The following MID1 variants were observed in gnomAD, a reference collection of about 807,000 sequenced individuals.
MID1 encodes the protein E3 ubiquitin-protein ligase Midline-1.
MID1 carries 7 observed loss-of-function variants against 40.4 expected under a neutral mutation model. That is an observed-to-expected ratio of 0.17 (90% CI 0.10 to 0.33). The LOEUF is 0.33. Ranked by LOEUF, MID1 falls within the 10% of genes least tolerant of loss-of-function variation. MID1 has a pLI of 1.00. For missense variants in MID1, 367 were observed against 558.5 expected (o/e 0.66, Z 3.46); for synonymous variants, 229 against 221.2 (o/e 1.04, Z -0.31).
chrX:10,505,730 T>C (rs1931796585), intron 3 of MID1: 8 of 752,472 alleles, frequency 1.1e-5, no homozygotes, highest in Non-Finnish European at 1.3e-5. Flanking sequence ...GGGAAGTTAT[T>C]TCTAATGGAA....
At chrX:10,660,924 T>C (rs2042907287) in intron 1 of MID1, among the ~76,000 whole-genome samples, 1 of 112,063 alleles carries the variant, frequency 8.9e-6, no homozygotes, top group Admixed American at 9.5e-5. Flanking sequence ...TTTTTAAAAA[T>C]AGTACTATAT....
chrX:10,627,338 G>T (rs762268893), intron 1 of MID1, among the ~76,000 whole-genome samples: 3 of 111,424 alleles, frequency 2.7e-5, no homozygotes, highest in Admixed American at 9.6e-5. Flanking sequence ...GGCATTTCCT[G>T]TTTCCACCAT....
chrX:10,827,307 T>C (rs1261136711), intron 1 of MID1, among the ~76,000 whole-genome samples: 1 of 111,350 alleles, frequency 9.0e-6, no homozygotes, highest in African/African-American at 3.3e-5. Context: ...CTCTTGATCA[T>C]AGTAGTTCTT....
intron 1 of MID1, among the ~76,000 whole-genome samples, chrX:10,638,447 G>A (rs780652115): frequency 1.8e-5 from 2 of 111,889 alleles, no homozygotes; most frequent in Admixed American, 9.4e-5. Context: ...AGGTGGCAGC[G>A]AGGTGGAGGG....
intron 1 of MID1, among the ~76,000 whole-genome samples, chrX:10,592,409 C>T (rs1029605694): frequency 6.5e-5 from 7 of 108,338 alleles, no homozygotes; most frequent in Non-Finnish European, 1.1e-4. Flanking sequence ...GTTTTTACCA[C>T]GGTGCATTTC....
chrX:10,747,411 T>A (rs2043565821), intron 1 of MID1, among the ~76,000 whole-genome samples: 1 of 112,519 alleles, frequency 8.9e-6, no homozygotes, highest in Non-Finnish European at 1.9e-5. Context: ...TACAGCCTCA[T>A]GTGCTCATTT....
At chrX:10,789,216 T>C (rs947207844) in intron 1 of MID1, among the ~76,000 whole-genome samples, 1 of 106,787 alleles carries the variant, frequency 9.4e-6, no homozygotes, top group African/African-American at 3.3e-5. Context: ...ATAAATAAAG[T>C]CTATGCTGGC....
chrX:10,632,954 G>C (rs905377625), intron 1 of MID1, among the ~76,000 whole-genome samples: 1 of 111,903 alleles, frequency 8.9e-6, no homozygotes, highest in Non-Finnish European at 1.9e-5. Context: ...GGGACCTCAT[G>C]TAACTGCACA....
At chrX:10,626,487 ACAC>A (rs1221860551) in intron 1 of MID1, among the ~76,000 whole-genome samples, 21 of 110,552 alleles carry the variant, frequency 1.9e-4, no homozygotes, top group Non-Finnish European at 1.7e-4. Flanking sequence ...CTACAAGCTC[ACAC>A]CACCATGTCT....
intron 1 of MID1, among the ~76,000 whole-genome samples, chrX:10,745,968 G>A (rs1003260999): frequency 3.2e-4 from 36 of 112,265 alleles, no homozygotes; most frequent in African/African-American, 1.1e-3. Context: ...TCTGTTCACC[G>A]AAACAGACCC....
intron 1 of MID1, among the ~76,000 whole-genome samples, chrX:10,805,469 A>C (rs1360853634): frequency 9.3e-6 from 1 of 107,300 alleles, no homozygotes; most frequent in Non-Finnish European, 1.9e-5. Context: ...CCAGTCTATC[A>C]TTGTTGGACA....
chrX:10,616,058 C>T (rs1935832931), intron 1 of MID1, among the ~76,000 whole-genome samples: 1 of 112,112 alleles, frequency 8.9e-6, no homozygotes, highest in South Asian at 3.7e-4. Context: ...CTCTCTGACT[C>T]TGCCTCGGGC....
intron 1 of MID1, among the ~76,000 whole-genome samples, chrX:10,613,413 G>A (rs1935768881): frequency 9.1e-6 from 1 of 109,349 alleles, no homozygotes; most frequent in Non-Finnish European, 1.9e-5. Context: ...TCTACATGGA[G>A]AAGGCTTCAG....
At position 10,448,284 on chromosome X, in the gene MID1, T is replaced by C. The variant is rs867641157; in HGVS notation, c.*1084A>G. On this transcript the variant is annotated 3_prime_UTR_variant, in exon 10 of 10. Coordinates refer to ENST00000317552, the MANE Select transcript of MID1 (RefSeq NM_000381.4). ...CCTTGTCATTACCAACTCATAAATA[T>C]TAAGTGTTTTTCAGTGACTTATGTT... 9.0e-6 allele frequency: 1 copy of C among 111,298 alleles called. No individual in the cohort carries two copies. Among genetic ancestry groups the C allele is most frequent in the Non-Finnish European group, 1.9e-5 (1 of 53,106 alleles). 9.2% of individuals were successfully genotyped at this position (111,298 alleles called of 1,213,427 possible).
chrX:10,559,393 C>T (rs1350232142), intron 2 of MID1, among the ~76,000 whole-genome samples: 1 of 112,279 alleles, frequency 8.9e-6, no homozygotes, highest in African/African-American at 3.2e-5. Flanking sequence ...AAAATTACAA[C>T]ATTTTAGAAG....
At chrX:10,523,024 G>A in intron 3 of MID1, 68 bp downstream of exon 3, 1 of 751,607 alleles carries the variant, frequency 1.3e-6, no homozygotes, top group Non-Finnish European at 2.1e-6. Context: ...TAAAGCATGA[G>A]GATATCAAAA....
intron 1 of MID1, among the ~76,000 whole-genome samples, chrX:10,664,151 T>A (rs977630644): frequency 9.8e-6 from 1 of 101,964 alleles, no homozygotes; most frequent in African/African-American, 4.3e-5. Context: ...TGTGTGTGTA[T>A]CTGTTTGTTT....
At chrX:10,690,832 T>C (rs1160823146) in intron 1 of MID1, among the ~76,000 whole-genome samples, 2 of 111,381 alleles carry the variant, frequency 1.8e-5, no homozygotes, top group African/African-American at 6.6e-5. Context: ...TACAGAGTTG[T>C]TCTTGGAAGG....
intron 1 of MID1, among the ~76,000 whole-genome samples, chrX:10,783,139 C>T (rs1237067410): frequency 9.0e-6 from 1 of 111,612 alleles, no homozygotes; most frequent in Non-Finnish European, 1.9e-5. Context: ...CCATATTGGA[C>T]AGCTAGTGGC....
Sources: allele counts gnomAD v4.1 joint callset (sites outside exome capture counted in the v4.1 genomes callset), GRCh38; gene constraint gnomAD v4.1.1; transcripts MANE v1.5; gene names NCBI Gene and HGNC (gene_info 2026-07-23, HGNC 2026-07-21).